The following CERS3 variants were observed in gnomAD, a reference collection of about 807,000 sequenced individuals.
CERS3 encodes the protein LAG1 homolog, ceramide synthase 3.
CERS3 carries 33 observed loss-of-function variants against 50.3 expected under a neutral mutation model. The ratio of observed to expected loss-of-function variants is 0.66; its 90% CI spans 0.50 to 0.88. CERS3 has a LOEUF of 0.88. CERS3 is among the 40% of genes least tolerant of loss of function. The pLI is 0.00. For missense variants in CERS3, 470 were observed against 460.3 expected, an observed-to-expected ratio of 1.02 and a Z score of -0.19; for synonymous variants, 176 against 155.2, an observed-to-expected ratio of 1.13 and a Z score of -0.99.
chr15:100,488,576 G>A (rs747900791), intron 4 of CERS3, among the ~76,000 whole-genome samples: 8 of 152,126 alleles, frequency 5.3e-5, no homozygotes, highest in Admixed American at 6.5e-5. Context: ...CATGAACTCT[G>A]TCCTCCTGTA....
intron 10 of CERS3, among the ~76,000 whole-genome samples, chr15:100,467,483 A>G (rs534642757): frequency 6.6e-6 from 1 of 152,058 alleles, no homozygotes; most frequent in Non-Finnish European, 1.5e-5. Context: ...AAAACTTGCA[A>G]AAAAGATCAT....
At chr15:100,524,279 T>A (rs988191491) in intron 1 of CERS3, among the ~76,000 whole-genome samples, 12 of 152,214 alleles carry the variant, frequency 7.9e-5, no homozygotes, top group Non-Finnish European at 1.3e-4. Context: ...TGTCCTAAGT[T>A]GAGATCTGAA....
At chr15:100,484,719 G>T in intron 4 of CERS3, 51 bp from the exon 5 acceptor site, 1 of 1,322,480 alleles carries the variant, frequency 7.6e-7, no homozygotes, top group Non-Finnish European at 1.1e-6. Context: ...GAGTCAGACT[G>T]GCAGGCAGAC....
At chr15:100,518,206 AG>A (rs1310201538) in intron 2 of CERS3, among the ~76,000 whole-genome samples, 1 of 152,152 alleles carries the variant, frequency 6.6e-6, no homozygotes, top group Non-Finnish European at 1.5e-5. Context: ...TTAAATAGAT[AG>A]GGGGTGACAG....
intron 8 of CERS3, among the ~76,000 whole-genome samples, chr15:100,473,785 T>C (rs1237388318): frequency 6.6e-6 from 1 of 152,216 alleles, no homozygotes; most frequent in Non-Finnish European, 1.5e-5. Context: ...GGCCCAGCAA[T>C]TCCACTCTTA....
intron 5 of CERS3, among the ~76,000 whole-genome samples, chr15:100,484,111 G>A (rs563597837): frequency 1.3e-5 from 2 of 152,156 alleles, no homozygotes; most frequent in African/African-American, 2.4e-5. Flanking sequence ...TTCTGAGAGG[G>A]AACACACGTC....
upstream of CERS3, among the ~76,000 whole-genome samples, chr15:100,529,762 G>T (rs1291514282): frequency 6.6e-6 from 1 of 152,224 alleles, no homozygotes; most frequent in African/African-American, 2.4e-5. Flanking sequence ...GCTTCAACAA[G>T]TTGATTCCTG....
intron 6 of CERS3, among the ~76,000 whole-genome samples, chr15:100,479,771 T>C (rs1293435854): frequency 6.6e-6 from 1 of 152,148 alleles, no homozygotes; most frequent in Non-Finnish European, 1.5e-5. Flanking sequence ...AGTAACTGTA[T>C]GAACCAAATT....
chr15:100,409,179 C>T (rs960518882), intron 11 of CERS3, among the ~76,000 whole-genome samples: 4 of 152,156 alleles, frequency 2.6e-5, no homozygotes, highest in Admixed American at 2.6e-4. Flanking sequence ...ATCTTCCATC[C>T]CTATTCTGAC....
intron 4 of CERS3, among the ~76,000 whole-genome samples, chr15:100,487,056 T>C (rs1005987756): frequency 6.6e-6 from 1 of 152,210 alleles, no homozygotes; most frequent in Non-Finnish European, 1.5e-5. Flanking sequence ...CACTATGATA[T>C]TATTAAGAGA....
chr15:100,427,105 G>A (rs1596640476), intron 11 of CERS3, among the ~76,000 whole-genome samples: 1 of 152,268 alleles, frequency 6.6e-6, no homozygotes. Flanking sequence ...GTAGTCAGCC[G>A]AGGGGTGTGT....
At chr15:100,513,681 G>A (rs1567675411) in intron 2 of CERS3, among the ~76,000 whole-genome samples, 2 of 151,778 alleles carry the variant, frequency 1.3e-5, no homozygotes, top group South Asian at 4.2e-4. Flanking sequence ...GGGACCACAG[G>A]CATGCACTAC....
At chr15:100,532,351 C>A (rs940066905), upstream of CERS3, among the ~76,000 whole-genome samples, 1 of 152,180 alleles carries the variant, frequency 6.6e-6, no homozygotes, top group Non-Finnish European at 1.5e-5. Flanking sequence ...TTGTTCTTAA[C>A]CTAACCGGCA....
intron 8 of CERS3, among the ~76,000 whole-genome samples, chr15:100,475,420 G>T (rs996233801): frequency 6.6e-6 from 1 of 152,138 alleles, no homozygotes; most frequent in Non-Finnish European, 1.5e-5. Flanking sequence ...AGTTTATGAG[G>T]TATATGCCAA....
At chr15:100,519,028 G>A (rs2036569498) in intron 2 of CERS3, among the ~76,000 whole-genome samples, 1 of 152,062 alleles carries the variant, frequency 6.6e-6, no homozygotes, top group Non-Finnish European at 1.5e-5. Flanking sequence ...GCGTGGTGGT[G>A]CGCATCTGTG....
chr15:100,419,029 A>G (rs1355374761), intron 11 of CERS3, among the ~76,000 whole-genome samples: 1 of 142,428 alleles, frequency 7.0e-6, no homozygotes, highest in Non-Finnish European at 1.5e-5. Flanking sequence ...TCAACTAACG[A>G]GCAAAATCAC....
intron 1 of CERS3, among the ~76,000 whole-genome samples, chr15:100,524,852 G>A (rs1360752611): frequency 6.6e-6 from 1 of 152,104 alleles, no homozygotes; most frequent in Non-Finnish European, 1.5e-5. Flanking sequence ...AGTATTTATT[G>A]ACTATCCAGT....
At chr15:100,430,923 T>G (rs1048653479) in intron 11 of CERS3, among the ~76,000 whole-genome samples, 1 of 152,346 alleles carries the variant, frequency 6.6e-6, no homozygotes, top group East Asian at 1.9e-4. Flanking sequence ...CTTTCAGTTG[T>G]CTGGAATATG....
chr15:100,467,851 A>AGAT (rs1400680568), intron 10 of CERS3, among the ~76,000 whole-genome samples: 335 of 24,640 alleles, frequency 0.014, 20 homozygotes, highest in African/African-American at 0.032. Flanking sequence ...ATATATATAT[A>AGAT]TAGATAGATA....
Sources: allele counts gnomAD v4.1 joint callset (sites outside exome capture counted in the v4.1 genomes callset), GRCh38; gene constraint gnomAD v4.1.1; transcripts MANE v1.5; gene names NCBI Gene and HGNC (gene_info 2026-07-23, HGNC 2026-07-21).